GRIA3: variants seen among roughly 807,000 people sequenced by gnomAD.
GRIA3 encodes the protein glutamate receptor 3.
In GRIA3, 3 loss-of-function variants were observed where a neutral mutation model predicts 63.0. That is an observed-to-expected ratio of 0.05 (90% CI 0.02 to 0.12). GRIA3 has a LOEUF of 0.12. Ranked by LOEUF, GRIA3 falls within the 10% of genes least tolerant of loss-of-function variation. The probability of loss-of-function intolerance (pLI) is 1.00; values close to 1 mark genes in which losing one functional copy is unlikely to be tolerated. For missense variants in GRIA3, 347 were observed against 700.9 expected, an observed-to-expected ratio of 0.50 and a Z score of 5.70; for synonymous variants, 274 against 257.9, an observed-to-expected ratio of 1.06 and a Z score of -0.60.
intron 2 of GRIA3, among the ~76,000 whole-genome samples, chrX:123,243,079 T>C (rs2091554510): frequency 9.0e-6 from 1 of 110,498 alleles, no homozygotes; most frequent in South Asian, 3.9e-4. Context: ...ATTTAACCAA[T>C]AACTTGACCT....
At chrX:123,207,249 T>C (rs1927915009) in intron 2 of GRIA3, among the ~76,000 whole-genome samples, 1 of 111,886 alleles carries the variant, frequency 8.9e-6, no homozygotes, top group South Asian at 3.8e-4. Context: ...TTTCTTCCTA[T>C]GACTCCTTTG....
intron 4 of GRIA3, among the ~76,000 whole-genome samples, chrX:123,344,168 G>A (rs898489066): frequency 1.8e-5 from 2 of 111,804 alleles, no homozygotes; most frequent in South Asian, 7.5e-4. Context: ...GTTTTGTTTT[G>A]TTTTATCACT....
At chrX:123,461,642 A>C (rs1428888988) in intron 12 of GRIA3, among the ~76,000 whole-genome samples, 2 of 111,211 alleles carry the variant, frequency 1.8e-5, no homozygotes, top group Non-Finnish European at 3.8e-5. Context: ...GGTATTAGGG[A>C]ACTAGCCGAG....
At position 123,474,458 on chromosome X, in the gene GRIA3, C is replaced by A. The variant is rs111560512; in HGVS notation, c.2325-5605C>A. Among the ~76,000 whole-genome samples the A allele has an allele frequency of 7.2e-5, 8 of 111,209 alleles. No individual in the cohort carries two copies. The Admixed American group carries it at 7.6e-4, about 11-fold the overall frequency. ...CAGCACTTTGGGAGGCTGAGGTGGGCGGATCACAAGGTCAAGAGATTGAGA... is the reference window on the plus strand; with the variant it reads ...CAGCACTTTGGGAGGCTGAGGTGGGAGGATCACAAGGTCAAGAGATTGAGA... On this transcript the variant is annotated intron_variant, in intron 13 of 15. Coordinates refer to ENST00000620443, the MANE Select transcript of GRIA3 (RefSeq NM_007325.5).
intron 2 of GRIA3, among the ~76,000 whole-genome samples, chrX:123,227,864 T>C (rs1321634800): frequency 9.0e-6 from 1 of 111,699 alleles, no homozygotes. Flanking sequence ...AGAACATGAG[T>C]TGGAGAGACA....
intron 3 of GRIA3, among the ~76,000 whole-genome samples, chrX:123,277,383 A>G (rs1229323857): frequency 8.9e-6 from 1 of 111,804 alleles, no homozygotes; most frequent in African/African-American, 3.3e-5. Flanking sequence ...GGTTCCTACA[A>G]ACTTTTCAGC....
At chrX:123,469,701 G>A (rs1222343497) in intron 13 of GRIA3, among the ~76,000 whole-genome samples, 1 of 112,261 alleles carries the variant, frequency 8.9e-6, no homozygotes, top group Admixed American at 9.4e-5. Context: ...GAGCCAGTAG[G>A]TTGTTTCAGT....
chrX:123,462,800 A>G (rs960054994), intron 12 of GRIA3, among the ~76,000 whole-genome samples: 84 of 111,811 alleles, frequency 7.5e-4, no homozygotes, highest in Non-Finnish European at 1.5e-4. Context: ...CCACAAAAAG[A>G]CATTTGAAAA....
intron 12 of GRIA3, among the ~76,000 whole-genome samples, chrX:123,428,394 C>A (rs2045601076): frequency 9.0e-6 from 1 of 111,408 alleles, no homozygotes; most frequent in Admixed American, 9.5e-5. Context: ...AACCCTGCCA[C>A]AAAGTGATTG....
chrX:123,282,821 G>T (rs1362589583), intron 3 of GRIA3, among the ~76,000 whole-genome samples: 1 of 112,511 alleles, frequency 8.9e-6, no homozygotes, highest in Non-Finnish European at 1.9e-5. Context: ...CAAGAGAATC[G>T]CTTGTACCAG....
At chrX:123,389,550 G>A (rs1203718326) in intron 5 of GRIA3, among the ~76,000 whole-genome samples, 1 of 110,134 alleles carries the variant, frequency 9.1e-6, no homozygotes, top group Non-Finnish European at 1.9e-5. Context: ...TTAAATTTTT[G>A]TTTGCACAGA....
intron 3 of GRIA3, among the ~76,000 whole-genome samples, chrX:123,309,574 A>T (rs1207858370): frequency 8.9e-6 from 1 of 112,204 alleles, no homozygotes. Context: ...AACACTGCAG[A>T]TGGGGAGTTT....
chrX:123,191,204 T>C (rs1266777726), intron 2 of GRIA3, among the ~76,000 whole-genome samples: 1 of 112,701 alleles, frequency 8.9e-6, no homozygotes, highest in Non-Finnish European at 1.9e-5. Context: ...AAGCAAATAA[T>C]CTGTATACTT....
chrX:123,293,815 T>C (rs1299109638), intron 3 of GRIA3, among the ~76,000 whole-genome samples: 1 of 110,810 alleles, frequency 9.0e-6, no homozygotes, highest in Non-Finnish European at 1.9e-5. Flanking sequence ...ATTAACTCAC[T>C]CTTCACAATA....
intron 10 of GRIA3, among the ~76,000 whole-genome samples, chrX:123,414,362 A>G (rs951728305): frequency 8.9e-6 from 1 of 112,450 alleles, no homozygotes; most frequent in Non-Finnish European, 1.9e-5. Flanking sequence ...CGCCTCCACA[A>G]TTTCTCATCC....
intron 3 of GRIA3, among the ~76,000 whole-genome samples, chrX:123,288,908 C>T (rs899542447): frequency 8.9e-6 from 1 of 111,762 alleles, no homozygotes; most frequent in African/African-American, 3.3e-5. Flanking sequence ...ACCCAGCAAT[C>T]GCATTACTGG....
At chrX:123,365,220 G>A (rs760077670) in intron 5 of GRIA3, among the ~76,000 whole-genome samples, 26 of 111,132 alleles carry the variant, frequency 2.3e-4, no homozygotes, top group African/African-American at 8.2e-4. Context: ...CCCCATAAAT[G>A]TACACAATTA....
At chrX:123,267,270 C>A (rs1457909405) in intron 3 of GRIA3, among the ~76,000 whole-genome samples, 1 of 111,676 alleles carries the variant, frequency 9.0e-6, no homozygotes, top group Non-Finnish European at 1.9e-5. Context: ...TAGTCATCTA[C>A]CTCCTGTGCA....
chrX:123,213,725 G>A (rs1361347736), intron 2 of GRIA3, among the ~76,000 whole-genome samples: 6 of 112,038 alleles, frequency 5.4e-5, no homozygotes, highest in South Asian at 3.7e-4. Flanking sequence ...ACAGCATTCC[G>A]ATCACTTTTA....
Sources: gnomAD v4.1 joint callset for allele counts (sites outside exome capture counted in the v4.1 genomes callset) on GRCh38, gnomAD v4.1.1 for gene constraint, MANE v1.5 for transcripts, NCBI Gene and HGNC (gene_info 2026-07-23, HGNC 2026-07-21) for gene names.